Variants in USP48 observed in about 807,000 individuals in gnomAD.
USP48 encodes the protein ubiquitin carboxyl-terminal hydrolase 48.
In USP48, 43 loss-of-function variants were observed where a neutral mutation model predicts 150.7. That is an observed-to-expected ratio of 0.29 (90% CI 0.22 to 0.37). USP48 has a LOEUF of 0.37. Ranked by LOEUF, USP48 falls within the 10% of genes least tolerant of loss-of-function variation. USP48 has a pLI of 1.00. For missense variants in USP48, 813 were observed against 1,249.6 expected (o/e 0.65, Z 5.27); for synonymous variants, 396 against 425.9 (o/e 0.93, Z 0.86).
intron 7 of USP48, 98 bp from the exon 8 acceptor site, chr1:21,747,247 C>A: frequency 2.9e-6 from 2 of 701,076 alleles, no homozygotes; most frequent in Non-Finnish European, 2.2e-6. Flanking sequence ...CAGTAGCTAG[C>A]TTTCACTTCA....
intron 17 of USP48, 61 bp downstream of exon 17, chr1:21,706,406 G>C: frequency 6.2e-7 from 1 of 1,607,358 alleles, no homozygotes; most frequent in Non-Finnish European, 8.5e-7. Context: ...AGCTCACTGG[G>C]AATTTGGCAA....
chr1:21,728,534 A>C, intron 11 of USP48, 36 bp downstream of exon 11: 2 of 1,582,978 alleles, frequency 1.3e-6, no homozygotes, highest in Non-Finnish European at 1.7e-6. Context: ...CAAGGCACTT[A>C]ATGGCAACAG....
At position 21,744,179 on chromosome 1, in the gene USP48, C is replaced by A. The variant is rs1023213512; in HGVS notation, c.991+2888G>T. On this transcript the variant is annotated intron_variant, in intron 8 of 26. Coordinates refer to ENST00000308271, the MANE Select transcript of USP48 (RefSeq NM_032236.8). ...AAAATTAAGGCCAGGCGTGGTGGCT[C>A]ACACCTGTAATCCCACCACTTTGGG... is the stretch of plus-strand genomic sequence containing the variant. Among the ~76,000 whole-genome samples, 3 of 151,846 alleles carry A rather than the reference C, an allele frequency of 2.0e-5. No homozygotes were observed. In the South Asian group the frequency reaches 6.3e-4, roughly 32 times the overall value.
At chr1:21,708,017 C>T (rs1187567957) in intron 15 of USP48, among the ~76,000 whole-genome samples, 2 of 151,858 alleles carry the variant, frequency 1.3e-5, no homozygotes, top group Non-Finnish European at 2.9e-5. Flanking sequence ...CCAACATCAG[C>T]CAGGTATGGT....
At chr1:21,701,441 G>A (rs2097656713) in intron 22 of USP48, 57 bp downstream of exon 22, 2 of 1,432,384 alleles carry the variant, frequency 1.4e-6, no homozygotes, top group African/African-American at 1.4e-5. Flanking sequence ...GGCTTCGAGT[G>A]GCTGCTCTAT....
At chr1:21,689,026 G>C (rs528362180) in intron 24 of USP48, among the ~76,000 whole-genome samples, 171 of 151,968 alleles carry the variant, frequency 1.1e-3, no homozygotes, top group Non-Finnish European at 2.1e-3. Flanking sequence ...AGGAAAAGAG[G>C]AGATACTTTA....
At chr1:21,746,239 C>T (rs2097794214) in intron 8 of USP48, among the ~76,000 whole-genome samples, 1 of 152,152 alleles carries the variant, frequency 6.6e-6, no homozygotes, top group East Asian at 1.9e-4. Context: ...GTGGCTCACG[C>T]CTGTAATCCC....
At chr1:21,709,357 C>T (rs891688508) in intron 15 of USP48, among the ~76,000 whole-genome samples, 8 of 151,880 alleles carry the variant, frequency 5.3e-5, no homozygotes, top group African/African-American at 1.7e-4. Flanking sequence ...TTAAATTTCC[C>T]GTGAGTCTAT....
At chr1:21,770,889 G>A (rs79869384) in intron 1 of USP48, among the ~76,000 whole-genome samples, 11,370 of 151,834 alleles carry the variant, frequency 0.075, 541 homozygotes, top group East Asian at 0.19. Context: ...ATGGGACACC[G>A]AGGCAGGCAG....
chr1:21,768,832 T>C (rs1165655486), intron 1 of USP48, among the ~76,000 whole-genome samples: 1 of 151,910 alleles, frequency 6.6e-6, no homozygotes, highest in African/African-American at 2.4e-5. Flanking sequence ...CAGGGTCTTG[T>C]TCTGTTGCCC....
At chr1:21,774,484 C>T (rs999509997) in intron 1 of USP48, among the ~76,000 whole-genome samples, 7 of 151,646 alleles carry the variant, frequency 4.6e-5, no homozygotes, top group African/African-American at 1.2e-4. Context: ...GTCAGGAGAT[C>T]GAGACCATCC....
chr1:21,758,372 C>A (rs541239314), intron 1 of USP48, among the ~76,000 whole-genome samples: 2 of 152,034 alleles, frequency 1.3e-5, no homozygotes, highest in Non-Finnish European at 2.9e-5. Context: ...GTACATATTT[C>A]TGCTCATTTT....
In USP48 at chr1:21,732,300, G is replaced by A. The variant is rs559620154; in HGVS notation, c.1172-2468C>T. ...TCTCAAAAACAAAAAAAGAGGTTAT[G>A]GGCAGTTCTAAGGAAATCCAGTTAC... On this transcript the variant is annotated intron_variant, in intron 9 of 26. Coordinates refer to ENST00000308271, the MANE Select transcript of USP48 (RefSeq NM_032236.8). 1.2e-4 allele frequency among the ~76,000 whole-genome samples: 18 copies of A among 152,148 alleles called. No individual in the cohort carries two copies. In the South Asian group the frequency reaches 3.1e-3, roughly 26 times the overall value.
intron 21 of USP48, among the ~76,000 whole-genome samples, chr1:21,703,310 A>G (rs547726154): frequency 6.6e-6 from 1 of 152,340 alleles, no homozygotes; most frequent in African/African-American, 2.4e-5. Context: ...ATATCTATGC[A>G]TCAATTAATA....
At chr1:21,775,959 T>C (rs1009873323) in intron 1 of USP48, among the ~76,000 whole-genome samples, 1 of 152,168 alleles carries the variant, frequency 6.6e-6, no homozygotes, top group African/African-American at 2.4e-5. Flanking sequence ...ATATTAAACA[T>C]ATGAAACCCT....
chr1:21,769,748 G>A (rs1572039723), intron 1 of USP48, among the ~76,000 whole-genome samples: 1 of 152,110 alleles, frequency 6.6e-6, no homozygotes, highest in South Asian at 2.1e-4. Context: ...ATGGTGGTGA[G>A]TATCTGCAGT....
chr1:21,733,162 T>C (rs1024399911), intron 9 of USP48, among the ~76,000 whole-genome samples: 1 of 152,124 alleles, frequency 6.6e-6, no homozygotes, highest in Non-Finnish European at 1.5e-5. Flanking sequence ...ACGCCTGTAA[T>C]CCTAGCACTT....
chr1:21,762,865 CAA>C lies in USP48; in HGVS notation c.135-5084_135-5083del, dbSNP rs34834573. Among the ~76,000 whole-genome samples, 731 of 76,320 alleles carry C rather than the reference CAA, an allele frequency of 9.6e-3. 3 individuals carry two copies. Among genetic ancestry groups the C allele is most frequent in the South Asian group, 0.034 (69 of 2,040 alleles). 50.1% of individuals were successfully genotyped at this position (76,320 alleles called of 152,430 possible). ...TGGGCGACAGAGCGAGACTTCATCT[CAA>C]AAAAAAAAAAAAAAAAAAAAATTCA... On this transcript the variant is annotated intron_variant, in intron 1 of 26. Coordinates refer to ENST00000308271, the MANE Select transcript of USP48 (RefSeq NM_032236.8).
At chr1:21,688,861 AAG>A (rs1491068503) in intron 24 of USP48, among the ~76,000 whole-genome samples, 10 of 149,212 alleles carry the variant, frequency 6.7e-5, no homozygotes, top group East Asian at 2.0e-4. Flanking sequence ...AAAAAAAAAA[AAG>A]AAGAAGCCCC....
Sources: allele counts gnomAD v4.1 joint callset (sites outside exome capture counted in the v4.1 genomes callset), GRCh38; gene constraint gnomAD v4.1.1; transcripts MANE v1.5; gene names NCBI Gene and HGNC (gene_info 2026-07-23, HGNC 2026-07-21).